IFT140: variants seen among roughly 807,000 people sequenced by gnomAD.
The protein encoded by IFT140 is intraflagellar transport protein 140 homolog.
Under a neutral mutation model 164.6 loss-of-function variants are expected in IFT140, and 133 were observed. That is an observed-to-expected ratio of 0.81 (90% confidence interval 0.70 to 0.93). The LOEUF is 0.93. Ranked by LOEUF, IFT140 falls within the 40% of genes least tolerant of loss-of-function variation. IFT140 has a pLI of 0.00. For missense variants in IFT140, 2,045 were observed against 1,972.3 expected, an observed-to-expected ratio of 1.04 and a Z score of -0.70; for synonymous variants, 860 against 817.3, an observed-to-expected ratio of 1.05 and a Z score of -0.89.
intron 19 of IFT140, among the ~76,000 whole-genome samples, chr16:1,544,440 C>A (rs533927454): frequency 1.3e-5 from 2 of 151,966 alleles, no homozygotes; most frequent in Non-Finnish European, 2.9e-5. Flanking sequence ...CCACCTTGGC[C>A]TCCCAAAGTG....
chr16:1,542,973 C>G (rs889343837), intron 19 of IFT140, among the ~76,000 whole-genome samples: 1 of 152,254 alleles, frequency 6.6e-6, no homozygotes, highest in African/African-American at 2.4e-5. Context: ...AGTGCTTGAG[C>G]CACAGCAGTG....
rs1237987832 is a variant in IFT140, at chr16:1,555,211, G to A, written c.2399+2724C>T. On this transcript the variant is annotated intron_variant, in intron 19 of 30. Transcript: ENST00000426508. ...TGTTATGTCGGTCATATGTCTGTAC[G>A]TGTCGTGGGCCAACCTCGTTCTGCC... The A allele has an allele frequency of 9.9e-5, 76 of 763,972 alleles. 1 individual carries two copies. The South Asian group carries it at 1.1e-3, about 11-fold the overall frequency. The allele number at this position is 763,972 out of a possible 1,614,324, so 47.3% of individuals were successfully genotyped here. A position where few individuals can be genotyped will look rare whatever the true frequency, so the allele number is the denominator to read the frequency against.
At chr16:1,561,729 G>A (rs148653010) in intron 18 of IFT140, among the ~76,000 whole-genome samples, 1 of 152,350 alleles carries the variant, frequency 6.6e-6, no homozygotes, top group East Asian at 1.9e-4. Context: ...CCTTCACCCG[G>A]AGACAGCACT....
At chr16:1,572,413 A>G (rs2034068617) in intron 13 of IFT140, among the ~76,000 whole-genome samples, 2 of 152,172 alleles carry the variant, frequency 1.3e-5, no homozygotes, top group South Asian at 2.1e-4. Flanking sequence ...TTGGGAGGCC[A>G]AGGCGCGTGG....
intron 19 of IFT140, 161 bp from the exon 20 acceptor site, chr16:1,526,957 GC>G (rs1176774416): frequency 8.1e-6 from 6 of 738,130 alleles, no homozygotes; most frequent in Middle Eastern, 4.0e-4. Context: ...AAGACTGCAG[GC>G]CATGCAGAGA....
intron 2 of IFT140, 148 bp downstream of exon 2, chr16:1,610,516 G>C (rs2036284007): frequency 1.3e-5 from 2 of 153,254 alleles, no homozygotes; most frequent in Non-Finnish European, 2.9e-5. Context: ...GATGGGACTC[G>C]CGAGGGGCCG....
At chr16:1,575,465 A>T (rs2034228234) in intron 13 of IFT140, among the ~76,000 whole-genome samples, 1 of 152,080 alleles carries the variant, frequency 6.6e-6, no homozygotes, top group Non-Finnish European at 1.5e-5. Flanking sequence ...AGGTGGGAGG[A>T]TCGCTTGAGC....
chr16:1,568,521 T>G (rs1332155342), intron 14 of IFT140, among the ~76,000 whole-genome samples, 187 bp from the exon 15 acceptor site: 3 of 152,208 alleles, frequency 2.0e-5, no homozygotes, highest in Non-Finnish European at 4.4e-5. Context: ...CCACCTCAGG[T>G]ACTCTTACGA....
intron 19 of IFT140, among the ~76,000 whole-genome samples, chr16:1,539,303 C>T (rs1173878305): frequency 2.0e-5 from 3 of 151,912 alleles, no homozygotes; most frequent in African/African-American, 7.3e-5. Context: ...GTGCCAGTGA[C>T]GTCCCATGCC....
chr16:1,528,883 C>CA, intron 19 of IFT140: 1 of 152,352 alleles, frequency 6.6e-6, no homozygotes, highest in Non-Finnish European at 1.5e-5. Flanking sequence ...GGAGGACAGC[C>CA]AGGGAGCCCA....
rs750847611 is a variant in IFT140 at position 1,520,244 on chromosome 16, G to A, written c.3760C>T (p.Leu1254=). The change falls in exon 28 of 31, where the codon CTG becomes TTG. Residue 1254 remains leucine (L), a synonymous_variant. Transcript: ENST00000426508. ...KEIYIMAANY[L]QSLDWRKEPE... ...TCCTTCCGCCAGTCCAGGGACTGCA[G>A]GTAGTTAGCAGCCATGATGTAGATT... is the stretch of plus-strand genomic sequence containing the variant. 6.2e-6 allele frequency: 10 copies of A among 1,614,122 alleles called. No homozygotes were observed. The African/African-American group carries it at 1.2e-4, about 19-fold the overall frequency.
At position 1,580,860 on chromosome 16, in the gene IFT140, AAG is replaced by A. The variant is rs1484808435; in HGVS notation, c.1433-12_1433-11del. The A allele has an allele frequency of 6.3e-7, 1 of 1,596,488 alleles. No homozygotes were observed. The highest frequency in any genetic ancestry group is 8.6e-7 in the Non-Finnish European group (1 of 1,164,380). The stretch of plus-strand genomic sequence containing the variant: ...TCACACAAGAAGGTCCCTAAAATGA[AAG>A]ACGAACATCAGGATGGCGGCCGCTC... On this transcript the variant is annotated splice_polypyrimidine_tract_variant and intron_variant, in intron 12 of 30. Coordinates refer to ENST00000426508, the MANE Select transcript of IFT140 (RefSeq NM_014714.4).
chr16:1,570,550 CCT>C (rs1462218106), intron 14 of IFT140, among the ~76,000 whole-genome samples: 2 of 152,186 alleles, frequency 1.3e-5, no homozygotes, highest in African/African-American at 4.8e-5. Context: ...CATCCCAACC[CCT>C]GTGGGGAGCA....
At chr16:1,603,776 C>T (rs892702021) in intron 3 of IFT140, among the ~76,000 whole-genome samples, 10 of 152,286 alleles carry the variant, frequency 6.6e-5, no homozygotes, top group Middle Eastern at 3.4e-3. Context: ...CCACCGTGCC[C>T]GGCCATGTGC....
chr16:1,603,046 CTCTT>C (rs2035875945), intron 3 of IFT140, among the ~76,000 whole-genome samples: 1 of 152,162 alleles, frequency 6.6e-6, no homozygotes, highest in African/African-American at 2.4e-5. Flanking sequence ...TCTCAGTAGA[CTCTT>C]TAATTTTTCA....
Position 1,587,319 on chromosome 16 carries a change from A to C in IFT140, c.903-15T>G, listed in dbSNP as rs372959208. 6.4e-7 allele frequency: 1 copy of C among 1,555,514 alleles called. No individual in the cohort carries two copies. ...TGTCCCAGAATCTACAACAGAAGAA[A>C]GCAAGCCCCATGGAGGGCCTGTGTT... On this transcript the variant is annotated splice_polypyrimidine_tract_variant and intron_variant, in intron 8 of 30. Coordinates refer to ENST00000426508, the MANE Select transcript of IFT140 (RefSeq NM_014714.4).
intron 30 of IFT140, chr16:1,514,278 G>A (rs2040279419): frequency 6.6e-6 from 1 of 152,088 alleles, no homozygotes; most frequent in East Asian, 1.9e-4. Context: ...GCTGCAGCAG[G>A]AGAATGGCAT....
intron 19 of IFT140, among the ~76,000 whole-genome samples, chr16:1,545,236 C>A (rs1375498857): frequency 6.6e-6 from 1 of 152,124 alleles, no homozygotes; most frequent in Non-Finnish European, 1.5e-5. Context: ...TCCAACACGA[C>A]CTCTGACAAG....
intron 19 of IFT140, among the ~76,000 whole-genome samples, chr16:1,538,182 T>C (rs937670366): frequency 1.3e-5 from 2 of 151,984 alleles, no homozygotes; most frequent in Admixed American, 6.6e-5. Context: ...GGCAGGGCGG[T>C]GGGTCTGTGG....
Sources: gnomAD v4.1 joint callset for allele counts (sites outside exome capture counted in the v4.1 genomes callset) on GRCh38, gnomAD v4.1.1 for gene constraint, MANE v1.5 for transcripts, NCBI Gene and HGNC (gene_info 2026-07-23, HGNC 2026-07-21) for gene names.